PRKG1: variants seen among roughly 807,000 people sequenced by gnomAD.
PRKG1 encodes cGMP-dependent protein kinase 1.
In PRKG1, 35 loss-of-function variants were observed where a neutral mutation model predicts 88.1. The ratio of observed to expected loss-of-function variants is 0.40; its 90% CI spans 0.30 to 0.53. The LOEUF is 0.53. Ranked by LOEUF, PRKG1 falls within the 20% of genes least tolerant of loss-of-function variation. The probability of loss-of-function intolerance (pLI) is 0.59; values close to 1 mark genes in which losing one functional copy is unlikely to be tolerated. For missense variants in PRKG1, 540 were observed against 839.8 expected, an observed-to-expected ratio of 0.64 and a Z score of 4.41; for synonymous variants, 303 against 292.5, an observed-to-expected ratio of 1.04 and a Z score of -0.37.
chr10:51,673,590 C>T (rs1177270953), intron 3 of PRKG1, among the ~76,000 whole-genome samples: 2 of 151,760 alleles, frequency 1.3e-5, no homozygotes, highest in African/African-American at 4.8e-5. Context: ...TGTGATATGA[C>T]TTACAGTTCT....
intron 1 of PRKG1, among the ~76,000 whole-genome samples, chr10:51,121,017 C>T (rs917167675): frequency 3.9e-5 from 6 of 152,118 alleles, no homozygotes; most frequent in African/African-American, 9.7e-5. Context: ...CTTTTAGAAA[C>T]TTCCCACATT....
intron 14 of PRKG1, among the ~76,000 whole-genome samples, chr10:52,287,463 A>G (rs1446119233): frequency 6.6e-6 from 1 of 152,044 alleles, no homozygotes; most frequent in East Asian, 1.9e-4. Context: ...AAAAAGAAAT[A>G]GTTTGAACTG....
At chr10:51,917,279 A>G (rs1469782415) in intron 5 of PRKG1, among the ~76,000 whole-genome samples, 1 of 150,224 alleles carries the variant, frequency 6.7e-6, no homozygotes. Flanking sequence ...AGATCGTGCC[A>G]CTGCACTCCA....
chr10:51,076,090 CTA>C (rs1843945293), intron 1 of PRKG1, among the ~76,000 whole-genome samples: 1 of 152,118 alleles, frequency 6.6e-6, no homozygotes, highest in South Asian at 2.1e-4. Context: ...TTGATTATCT[CTA>C]TTTGTATTTA....
chr10:51,148,293 C>T, intron 1 of PRKG1: 1 of 983,970 alleles, frequency 1.0e-6, no homozygotes, highest in Non-Finnish European at 1.2e-6. Flanking sequence ...ATTGCTTCCC[C>T]TGACATTTGA....
chr10:52,224,399 G>T lies in PRKG1; in HGVS notation c.1077-27171G>T, dbSNP rs533768143. Among the ~76,000 whole-genome samples, 5 of 152,058 alleles carry T rather than the reference G, an allele frequency of 3.3e-5. No homozygotes were observed. In the East Asian group the frequency reaches 9.7e-4, roughly 29 times the overall value. ...CTTAAACTAAAATTGCAGCCCTCTGGTTTTTGTTCCCACACTCCCTAGTAC... is the reference window on the plus strand; with the variant it reads ...CTTAAACTAAAATTGCAGCCCTCTGTTTTTTGTTCCCACACTCCCTAGTAC... On this transcript the variant is annotated intron_variant, in intron 9 of 17. Coordinates refer to ENST00000373980, the MANE Select transcript of PRKG1 (RefSeq NM_006258.4).
At chr10:51,244,398 T>C (rs1839234423) in intron 2 of PRKG1, among the ~76,000 whole-genome samples, 1 of 151,824 alleles carries the variant, frequency 6.6e-6, no homozygotes, top group Admixed American at 6.6e-5. Flanking sequence ...ATATCATTTC[T>C]GAGGTCACCC....
At chr10:51,504,908 C>T (rs1036112352) in intron 3 of PRKG1, among the ~76,000 whole-genome samples, 5 of 152,130 alleles carry the variant, frequency 3.3e-5, no homozygotes, top group Non-Finnish European at 5.9e-5. Flanking sequence ...ACAATCATGT[C>T]ATCTGCAAAC....
rs11446892 is a variant in PRKG1, at chr10:51,556,420, C to CTT, written c.592+88591_592+88592dup. 3.4e-3 allele frequency among the ~76,000 whole-genome samples: 511 copies of CTT among 151,380 alleles called. 1 individual carries two copies. Among genetic ancestry groups the CTT allele is most frequent in the Non-Finnish European group, 5.6e-3 (381 of 67,786 alleles). ...AAATGATTTTTTGCATGGTATGATA[C>CTT]TTTTTTTTACACTCAAAGTATTCCT... On this transcript the variant is annotated intron_variant, in intron 3 of 17. Coordinates refer to ENST00000373980, the MANE Select transcript of PRKG1 (RefSeq NM_006258.4).
chr10:50,991,603 C>G lies in PRKG1; in HGVS notation c.225C>G (p.His75Gln), dbSNP rs913902591. ...AGCCGCAGACGTACAGGTCCTTCCA[C>G]GACCTCCGACAGGCATTCCGGAAGT... The change falls in exon 1 of 18, where the codon CAC becomes CAG. Residue 75 changes from histidine (H) to glutamine (Q), a missense_variant. By Grantham distance (24) the His-to-Gln change is conservative. Coordinates refer to the PRKG1 transcript ENST00000401604. This position sits in a 1 kb window ranked among gnomAD's most constrained non-coding sequence, Gnocchi z 4.5. The G allele has an allele frequency of 6.4e-7, 1 of 1,572,234 alleles. No individual in the cohort carries two copies. The highest frequency in any genetic ancestry group is 8.6e-7 in the Non-Finnish European group (1 of 1,161,074).
chr10:51,942,489 G>A (rs1270857058), intron 5 of PRKG1, among the ~76,000 whole-genome samples: 3 of 151,246 alleles, frequency 2.0e-5, no homozygotes, highest in Non-Finnish European at 4.4e-5. Context: ...GGCTTTGGTT[G>A]CCATTGCTTT....
intron 2 of PRKG1, chr10:51,245,870 C>T (rs1171257565): frequency 6.6e-6 from 1 of 152,034 alleles, no homozygotes; most frequent in African/African-American, 2.4e-5. Flanking sequence ...TTAAACCAAC[C>T]TCCTTCTGTA....
At chr10:51,249,471 G>A (rs1460124807) in intron 2 of PRKG1, among the ~76,000 whole-genome samples, 1 of 151,774 alleles carries the variant, frequency 6.6e-6, no homozygotes, top group East Asian at 1.9e-4. Context: ...GGCTGTATAT[G>A]TTGTTCCTAT....
intron 2 of PRKG1, among the ~76,000 whole-genome samples, chr10:51,164,265 G>A (rs1212223209): frequency 7.2e-5 from 11 of 152,292 alleles, no homozygotes; most frequent in South Asian, 2.1e-4. Context: ...TGCAGCCACC[G>A]CTGCTGTTAC....
At chr10:52,209,349 T>C (rs544071925) in intron 9 of PRKG1, among the ~76,000 whole-genome samples, 1 of 152,306 alleles carries the variant, frequency 6.6e-6, no homozygotes, top group African/African-American at 2.4e-5. Context: ...TTACACTTCT[T>C]TTTATATTAT....
chr10:52,163,579 A>T (rs1838341191), intron 9 of PRKG1, among the ~76,000 whole-genome samples: 1 of 152,024 alleles, frequency 6.6e-6, no homozygotes, highest in East Asian at 1.9e-4. Flanking sequence ...TTTTCTAATG[A>T]ATGTTTTTGT....
chr10:52,089,588 G>C (rs1415950826), intron 7 of PRKG1, among the ~76,000 whole-genome samples: 1 of 152,088 alleles, frequency 6.6e-6, no homozygotes, highest in Non-Finnish European at 1.5e-5. Context: ...TACTATCAGA[G>C]AGAGAAGTTA....
intron 2 of PRKG1, among the ~76,000 whole-genome samples, chr10:51,280,972 T>G (rs1840278186): frequency 6.6e-6 from 1 of 152,154 alleles, no homozygotes; most frequent in Non-Finnish European, 1.5e-5. Context: ...TTTTCTGCTG[T>G]TTTTCCCCCA....
At chr10:52,001,153 A>C (rs980478774) in intron 5 of PRKG1, among the ~76,000 whole-genome samples, 3 of 151,948 alleles carry the variant, frequency 2.0e-5, no homozygotes, top group African/African-American at 7.2e-5. Context: ...TGCAGGTTCA[A>C]CCATGTTTTT....
Sources: gnomAD v4.1 joint callset for allele counts (sites outside exome capture counted in the v4.1 genomes callset) on GRCh38, gnomAD v4.1.1 for gene constraint, Gnocchi (gnomAD v3.1) non-coding constraint, MANE v1.5 for transcripts, NCBI Gene and HGNC (gene_info 2026-07-23, HGNC 2026-07-21) for gene names.